FBF1: variants seen among roughly 807,000 people sequenced by gnomAD.
The protein encoded by FBF1 is Fas binding factor 1, also known as fas-binding factor 1.
FBF1 carries 119 observed loss-of-function variants against 147.2 expected under a neutral mutation model. The ratio of observed to expected loss-of-function variants is 0.81; its 90% CI spans 0.70 to 0.94. FBF1 has a LOEUF of 0.94. FBF1 is among the 40% of genes least tolerant of loss of function. The probability of loss-of-function intolerance (pLI) is 0.00; values close to 1 mark genes in which losing one functional copy is unlikely to be tolerated. For missense variants in FBF1, 1,449 were observed against 1,500.8 expected, an observed-to-expected ratio of 0.97 and a Z score of 0.57; for synonymous variants, 601 against 609.0, an observed-to-expected ratio of 0.99 and a Z score of 0.19.
intron 1 of FBF1, among the ~76,000 whole-genome samples, chr17:75,939,585 G>A (rs979924153): frequency 2.6e-5 from 4 of 151,686 alleles, no homozygotes; most frequent in Admixed American, 2.0e-4. Flanking sequence ...TTTTCGAGAC[G>A]GGGTCTCACT....
chr17:75,939,555 T>G (rs1005199324), intron 1 of FBF1, among the ~76,000 whole-genome samples: 1 of 152,090 alleles, frequency 6.6e-6, no homozygotes, highest in Non-Finnish European at 1.5e-5. Flanking sequence ...TTGATATTCT[T>G]TTTCTTTTTA....
Position 75,923,582 on chromosome 17 carries a change from G to A in FBF1, c.1028C>T (p.Pro343Leu). The change falls in exon 14 of 30, where the codon CCT becomes CTT. Residue 343 changes from proline (P) to leucine (L), a missense_variant. Transcript: ENST00000636174. The surrounding 1 kb of genome is among the most constrained non-coding windows in gnomAD (Gnocchi z 4.1). Reference protein sequence around the residue: ...PKGEPGSKQSPPMASSPIQPR... With the variant: ...PKGEPGSKQSLPMASSPIQPR... ...CTGGATGGGGCTGGAAGCCATTGGA[G>A]GGCTCTGTTTGGAGCCTGGTTCTCC... is the stretch of plus-strand genomic sequence containing the variant. 1 of 1,610,780 alleles carries A rather than the reference G, an allele frequency of 6.2e-7. No individual in the cohort carries two copies. Among genetic ancestry groups the A allele is most frequent in the Non-Finnish European group, 8.5e-7 (1 of 1,178,870 alleles).
chr17:75,917,836 G>A lies in FBF1; in HGVS notation c.2401C>T (p.Leu801=). The change falls in exon 23 of 30, where the codon CTG becomes TTG. Residue 801 remains leucine, a synonymous_variant. Coordinates refer to ENST00000636174, the MANE Select transcript of FBF1 (RefSeq NM_001319193.2). ...DEQLRALQER[L]GQQQRDMEEE... is the part of the protein sequence containing the mutation. ...TCCATGTCCCGCTGCTGCTGGCCCA[G>A]CCGCTCCTGCAGTGCTGGGGGCAAC... 3.1e-6 allele frequency: 5 copies of A among 1,606,324 alleles called. No homozygotes were observed. The highest frequency in any genetic ancestry group is 4.2e-6 in the Non-Finnish European group (5 of 1,177,500).
Position 75,923,667 on chromosome 17 carries a change from G to C in FBF1, c.969-26C>G. On this transcript the variant is annotated intron_variant, in intron 13 of 29. Coordinates refer to ENST00000636174, the MANE Select transcript of FBF1 (RefSeq NM_001319193.2). The surrounding 1 kb of genome is among the most constrained non-coding windows in gnomAD (Gnocchi z 4.1). ...CTTCAAGACAGAAAGGAGGGTGTCAGGCAGGGGAAACAGCCAGTCCCAGTG... is the reference window on the plus strand; with the variant it reads ...CTTCAAGACAGAAAGGAGGGTGTCACGCAGGGGAAACAGCCAGTCCCAGTG... 1 of 1,552,220 alleles carries C rather than the reference G, an allele frequency of 6.4e-7. No homozygotes were observed. Among genetic ancestry groups the C allele is most frequent in the Non-Finnish European group, 8.7e-7 (1 of 1,147,294 alleles).
chr17:75,917,665 T>C (rs2144159827), intron 23 of FBF1, 67 bp downstream of exon 23: 1 of 1,418,702 alleles, frequency 7.0e-7, no homozygotes, highest in Non-Finnish European at 9.6e-7. Context: ...GCCGCTACAC[T>C]TGCGGGTGCC....
chr17:75,932,657 G>A (rs992785437), intron 5 of FBF1, among the ~76,000 whole-genome samples: 1 of 152,184 alleles, frequency 6.6e-6, no homozygotes, highest in African/African-American at 2.4e-5. Flanking sequence ...GGGAGGCCGA[G>A]GTGGGCGGAT....
Position 75,917,780 on chromosome 17 carries a change from G to A in FBF1, c.2457C>T (p.Ile819=), listed in dbSNP as rs566017159. The A allele has an allele frequency of 8.1e-6, 13 of 1,610,696 alleles. No homozygotes were observed. The highest frequency in any genetic ancestry group is 5.3e-5 in the African/African-American group (4 of 74,876). The change falls in exon 23 of 30, where the codon ATC becomes ATT. Residue 819 remains isoleucine, a synonymous_variant. Coordinates refer to ENST00000636174, the MANE Select transcript of FBF1 (RefSeq NM_001319193.2). ...EEERSRQQEV[I]GKMEARLNEQ... The stretch of plus-strand genomic sequence containing the variant: ...CATTCAGCCGTGCCTCCATCTTCCC[G>A]ATGACCTCCTGTTGCCGGCTCCGCT...
intron 4 of FBF1, among the ~76,000 whole-genome samples, chr17:75,935,052 G>A (rs980049207): frequency 1.3e-5 from 2 of 152,122 alleles, no homozygotes; most frequent in Non-Finnish European, 2.9e-5. Context: ...AAGGGGTGAT[G>A]GAAAATGTTC....
At chr17:75,939,022 G>T (rs192968062) in intron 1 of FBF1, among the ~76,000 whole-genome samples, 1 of 152,024 alleles carries the variant, frequency 6.6e-6, no homozygotes, top group Non-Finnish European at 1.5e-5. Flanking sequence ...CAGGCTGGGC[G>T]CGGTGGCTCA....
chr17:75,935,767 C>G, intron 3 of FBF1, 94 bp from the exon 4 acceptor site: 1 of 1,187,182 alleles, frequency 8.4e-7, no homozygotes, highest in Non-Finnish European at 1.2e-6. Flanking sequence ...GGCGTCAGAC[C>G]TTTCAGATGT....
intron 5 of FBF1, among the ~76,000 whole-genome samples, chr17:75,931,761 C>T (rs1281646112): frequency 8.0e-5 from 12 of 150,030 alleles, no homozygotes; most frequent in Non-Finnish European, 1.3e-4. Flanking sequence ...CCAGCCTGGG[C>T]GACAGAGCAA....
chr17:75,919,485 C>T lies in FBF1; in HGVS notation c.2138+183G>A, dbSNP rs1035238606. On this transcript the variant is annotated intron_variant, in intron 20 of 29. Coordinates refer to ENST00000636174, the MANE Select transcript of FBF1 (RefSeq NM_001319193.2). The surrounding 1 kb of genome is among the most constrained non-coding windows in gnomAD (Gnocchi z 5.0). ...CTGCCTCTGTAAGAGCAGGTGGCAC[C>T]CCCACCCATGGGTGTGATGGGTCAG... 5.9e-5 allele frequency among the ~76,000 whole-genome samples: 9 copies of T among 152,184 alleles called. No homozygotes were observed. Among genetic ancestry groups the T allele is most frequent in the Middle Eastern group, 3.2e-3 (1 of 316 alleles).
At position 75,910,813 on chromosome 17, in the gene FBF1, G is replaced by A. The variant is rs780974662; in HGVS notation, c.3364-7C>T. 56 of 1,604,936 alleles carry A rather than the reference G, an allele frequency of 3.5e-5. No individual in the cohort carries two copies. Among genetic ancestry groups the A allele is most frequent in the Non-Finnish European group, 4.6e-5 (54 of 1,175,818 alleles). ...TCTCCAAGAAGTCACGGTCCTGCAAGGCAGGTTTGGATGGGCGGTCACCTT... is the reference window on the plus strand; with the variant it reads ...TCTCCAAGAAGTCACGGTCCTGCAAAGCAGGTTTGGATGGGCGGTCACCTT... On this transcript the variant is annotated splice_polypyrimidine_tract_variant and splice_region_variant and intron_variant, in intron 29 of 29. Transcript: ENST00000636174. The surrounding 1 kb of genome is among the most constrained non-coding windows in gnomAD (Gnocchi z 4.1).
intron 28 of FBF1, 87 bp from the exon 29 acceptor site, chr17:75,912,394 C>G (rs8065151): frequency 0.07 from 70,534 of 1,006,996 alleles, 3,256 homozygotes; most frequent in African/African-American, 0.19. Flanking sequence ...GCTGCTCCCC[C>G]CGCCAGTGGG....
intron 6 of FBF1, 99 bp from the exon 7 acceptor site, chr17:75,930,146 C>T (rs1027969609): frequency 2.8e-5 from 26 of 913,694 alleles, no homozygotes; most frequent in African/African-American, 1.2e-4. Context: ...TTAGGGCAGA[C>T]GGCGCGGCAG....
Position 75,910,888 on chromosome 17 carries a change from T to TC in FBF1, c.3364-83dup, listed in dbSNP as rs2065453240. 1 of 1,204,322 alleles carries TC rather than the reference T, an allele frequency of 8.3e-7. No homozygotes were observed. The highest frequency in any genetic ancestry group is 2.0e-5 in the Admixed American group (1 of 49,620). 74.6% of individuals were successfully genotyped at this position (1,204,322 alleles called of 1,614,324 possible). ...CCCTGGATGCTAGCTGAGCCAGCCG[T>TC]CACTGAGGCCCCTCCCCACATCGTC... On this transcript the variant is annotated intron_variant, in intron 29 of 29. Transcript: ENST00000636174. This position sits in a 1 kb window ranked among gnomAD's most constrained non-coding sequence, Gnocchi z 4.1.
Position 75,923,989 on chromosome 17 carries a change from G to T in FBF1, c.969-348C>A, listed in dbSNP as rs2065545443. On this transcript the variant is annotated intron_variant, in intron 13 of 29. Transcript: ENST00000636174. This position sits in a 1 kb window ranked among gnomAD's most constrained non-coding sequence, Gnocchi z 4.1. ...GATCTTTGGGAGGCCAGGGTGGGCA[G>T]ATCGCTTAAGGCCAGGAGTTCAAGA... Among the ~76,000 whole-genome samples the T allele has an allele frequency of 6.6e-6, 1 of 152,166 alleles. No homozygotes were observed. Among genetic ancestry groups the T allele is most frequent in the South Asian group, 2.1e-4 (1 of 4,826 alleles).
At position 75,928,405 on chromosome 17, in the gene FBF1, G is replaced by A. The variant is rs1433594528; in HGVS notation, c.280-212C>T. Among the ~76,000 whole-genome samples, 1 of 152,164 alleles carries A rather than the reference G, an allele frequency of 6.6e-6. No individual in the cohort carries two copies. Among genetic ancestry groups the A allele is most frequent in the East Asian group, 1.9e-4 (1 of 5,198 alleles). On this transcript the variant is annotated intron_variant, in intron 7 of 29. Transcript: ENST00000636174. This position sits in a 1 kb window ranked among gnomAD's most constrained non-coding sequence, Gnocchi z 4.2. ...GGAATGGAGTCCAGCTCATGGTTCTGGGATGAGAGACTCAAAGTCAGCACC... is the reference window on the plus strand; with the variant it reads ...GGAATGGAGTCCAGCTCATGGTTCTAGGATGAGAGACTCAAAGTCAGCACC...
At position 75,917,809 on chromosome 17, in the gene FBF1, C is replaced by G. The variant is rs1164745135; in HGVS notation, c.2428G>C (p.Glu810Gln). 6.2e-7 allele frequency: 1 copy of G among 1,609,008 alleles called. No individual in the cohort carries two copies. Residue 810 changes from glutamate to glutamine, a missense_variant, in exon 23 of 30, where the codon GAG becomes CAG. Glu to Gln is a conservative substitution (Grantham distance 29). Transcript: ENST00000636174. ...RLGQQQRDME[E>Q]ERSRQQEVIG... The stretch of plus-strand genomic sequence containing the variant: ...ACCTCCTGTTGCCGGCTCCGCTCCT[C>G]CTCCATGTCCCGCTGCTGCTGGCCC...
Sources: allele counts gnomAD v4.1 joint callset (sites outside exome capture counted in the v4.1 genomes callset), GRCh38; gene constraint gnomAD v4.1.1; non-coding constraint Gnocchi (gnomAD v3.1); transcripts MANE v1.5; gene names NCBI Gene and HGNC (gene_info 2026-07-23, HGNC 2026-07-21).